DCC: variants seen among roughly 807,000 people sequenced by gnomAD.
DCC encodes the protein netrin receptor DCC.
Under a neutral mutation model 172.5 loss-of-function variants are expected in DCC, and 58 were observed. The ratio of observed to expected loss-of-function variants is 0.34; its 90% CI spans 0.27 to 0.42. The LOEUF (loss-of-function observed/expected upper bound fraction) is 0.42. DCC is among the 10% of genes least tolerant of loss of function. The pLI is 1.00. For synonymous variants in DCC, 709 were observed against 644.5 expected, an observed-to-expected ratio of 1.10 and a Z score of -1.52; for missense variants, 1,740 against 1,791.0, an observed-to-expected ratio of 0.97 and a Z score of 0.51.
At chr18:52,988,755 TTATA>T (rs1474692367) in intron 5 of DCC, among the ~76,000 whole-genome samples, 1 of 152,112 alleles carries the variant, frequency 6.6e-6, no homozygotes, top group Non-Finnish European at 1.5e-5. Flanking sequence ...GCTGTAACCT[TTATA>T]TATGTTCTTG....
chr18:53,491,354 C>A (rs2045957693), intron 26 of DCC, among the ~76,000 whole-genome samples: 1 of 152,068 alleles, frequency 6.6e-6, no homozygotes, highest in African/African-American at 2.4e-5. Flanking sequence ...AACTTACAAT[C>A]ACAATAATGT....
intron 12 of DCC, among the ~76,000 whole-genome samples, chr18:53,265,300 G>A (rs991374780): frequency 6.6e-6 from 1 of 152,160 alleles, no homozygotes; most frequent in Non-Finnish European, 1.5e-5. Context: ...AGAGGTGACA[G>A]CCTCTAAGAC....
Position 52,340,740 on chromosome 18 carries a change from G to T in DCC, c.-48G>T. On this transcript the variant is annotated 5_prime_UTR_variant, in exon 1 of 29. Coordinates refer to ENST00000442544, the MANE Select transcript of DCC (RefSeq NM_005215.4). ...TGCGTGTGTGAGTGCATGTGTGTGA[G>T]TGCTGCCGCTGCCCGCGACCCCTGG... 1.4e-6 allele frequency: 2 copies of T among 1,411,062 alleles called. No individual in the cohort carries two copies. The highest frequency in any genetic ancestry group is 2.0e-6 in the Non-Finnish European group (2 of 995,716). The allele number at this position is 1,411,062 out of a possible 1,614,324, so 87.4% of individuals were successfully genotyped here.
chr18:52,982,905 C>G (rs1176592062), intron 5 of DCC, among the ~76,000 whole-genome samples: 1 of 152,158 alleles, frequency 6.6e-6, no homozygotes. Context: ...AACTTTCACC[C>G]TCTTCTTCTC....
chr18:52,562,796 T>G (rs1035079779), intron 1 of DCC, among the ~76,000 whole-genome samples: 3 of 152,118 alleles, frequency 2.0e-5, no homozygotes, highest in Non-Finnish European at 4.4e-5. Flanking sequence ...TTTTTTATTT[T>G]TATTTTTTAT....
intron 5 of DCC, among the ~76,000 whole-genome samples, chr18:52,971,496 C>CGTGT (rs201096437): frequency 4.0e-5 from 6 of 151,084 alleles, no homozygotes; most frequent in African/African-American, 1.5e-4. Flanking sequence ...GAGAGGTGTG[C>CGTGT]GTGTGTGTGT....
At chr18:53,248,455 C>T (rs1488824531) in intron 12 of DCC, among the ~76,000 whole-genome samples, 1 of 152,028 alleles carries the variant, frequency 6.6e-6, no homozygotes, top group Non-Finnish European at 1.5e-5. Flanking sequence ...CTCTCTCCCA[C>T]TGGAAGTGAT....
chr18:52,852,843 T>C (rs2038997333), intron 2 of DCC, among the ~76,000 whole-genome samples: 1 of 152,168 alleles, frequency 6.6e-6, no homozygotes, highest in Admixed American at 6.5e-5. Flanking sequence ...ATTCTTACTA[T>C]GGAAATTACA....
intron 2 of DCC, among the ~76,000 whole-genome samples, chr18:52,849,680 C>A (rs1464848755): frequency 2.0e-5 from 3 of 152,104 alleles, no homozygotes; most frequent in Non-Finnish European, 4.4e-5. Flanking sequence ...TAAAAAGTAG[C>A]CTTTATAACA....
intron 1 of DCC, among the ~76,000 whole-genome samples, chr18:52,471,511 G>C (rs765988233): frequency 6.6e-6 from 1 of 152,102 alleles, no homozygotes; most frequent in Admixed American, 6.6e-5. Context: ...ATCGACTTAG[G>C]TAAATGTAAA....
In DCC at chr18:53,148,626, A is replaced by G. The variant is rs541623055; in HGVS notation, c.1262-8730A>G. ...AGATGGAAAGGGTGCAATGATTAGT[A>G]AGAAAATACAAAGAGAAAAAAGAGA... On this transcript the variant is annotated intron_variant, in intron 7 of 28. Coordinates refer to ENST00000442544, the MANE Select transcript of DCC (RefSeq NM_005215.4). Among the ~76,000 whole-genome samples, 4 of 152,286 alleles carry G rather than the reference A, an allele frequency of 2.6e-5. No homozygotes were observed. The South Asian group carries it at 8.3e-4, about 32-fold the overall frequency.
At chr18:52,370,844 G>A (rs1314208776) in intron 1 of DCC, among the ~76,000 whole-genome samples, 1 of 152,156 alleles carries the variant, frequency 6.6e-6, no homozygotes, top group Non-Finnish European at 1.5e-5. Context: ...TTTTTTGATG[G>A]AGAAGAAAGG....
At chr18:53,316,142 G>T (rs1178284283) in intron 13 of DCC, among the ~76,000 whole-genome samples, 1 of 152,150 alleles carries the variant, frequency 6.6e-6, no homozygotes, top group Non-Finnish European at 1.5e-5. Context: ...AAAGTGTAAG[G>T]AAGGGGTCTA....
At chr18:52,569,174 G>A (rs1376578298) in intron 1 of DCC, among the ~76,000 whole-genome samples, 1 of 152,194 alleles carries the variant, frequency 6.6e-6, no homozygotes, top group Admixed American at 6.5e-5. Context: ...AATCTGTACT[G>A]TGTGTGAAGC....
intron 1 of DCC, among the ~76,000 whole-genome samples, chr18:52,461,339 C>A (rs537409027): frequency 5.3e-5 from 8 of 152,208 alleles, no homozygotes; most frequent in Admixed American, 2.6e-4. Context: ...TTGGGAATAC[C>A]CCCCGAAGGA....
At chr18:52,509,758 T>A (rs1478043122) in intron 1 of DCC, among the ~76,000 whole-genome samples, 1 of 152,214 alleles carries the variant, frequency 6.6e-6, no homozygotes, top group Middle Eastern at 3.2e-3. Flanking sequence ...CAGCAAGATC[T>A]TAGATGCTAC....
chr18:53,217,589 G>C (rs925749233), intron 12 of DCC, among the ~76,000 whole-genome samples: 2 of 151,994 alleles, frequency 1.3e-5, no homozygotes, highest in African/African-American at 4.8e-5. Flanking sequence ...ATATCAGACT[G>C]TTTTCAAGAG....
chr18:52,428,306 T>C (rs993876007), intron 1 of DCC, among the ~76,000 whole-genome samples: 2 of 152,124 alleles, frequency 1.3e-5, no homozygotes, highest in African/African-American at 4.8e-5. Flanking sequence ...TTGACTCTTT[T>C]ACATGAAGCC....
intron 1 of DCC, among the ~76,000 whole-genome samples, chr18:52,724,432 A>C (rs923404816): frequency 3.3e-5 from 5 of 152,104 alleles, no homozygotes; most frequent in African/African-American, 1.2e-4. Flanking sequence ...TACAGGTGTG[A>C]GTCATTGTGC....
Sources: allele counts gnomAD v4.1 joint callset (sites outside exome capture counted in the v4.1 genomes callset), GRCh38; gene constraint gnomAD v4.1.1; transcripts MANE v1.5; gene names NCBI Gene and HGNC (gene_info 2026-07-23, HGNC 2026-07-21).